The following NRG3 variants were observed in gnomAD, a reference collection of about 807,000 sequenced individuals.
NRG3 encodes neuregulin 3, also known as pro-neuregulin-3, membrane-bound isoform.
Under a neutral mutation model 66.9 loss-of-function variants are expected in NRG3, and 31 were observed. That is an observed-to-expected ratio of 0.46 (90% CI 0.35 to 0.63). NRG3 has a LOEUF of 0.63. Among genes scored for constraint, NRG3 ranks in the 20% least tolerant of loss-of-function variants. The pLI is 0.00. For missense variants in NRG3, 910 were observed against 878.9 expected, an observed-to-expected ratio of 1.04 and a Z score of -0.45; for synonymous variants, 393 against 359.4, an observed-to-expected ratio of 1.09 and a Z score of -1.06.
At chr10:81,902,682 A>C (rs1483910975) in intron 1 of NRG3, among the ~76,000 whole-genome samples, 1 of 152,192 alleles carries the variant, frequency 6.6e-6, no homozygotes, top group Admixed American at 6.5e-5. Context: ...AGCATCCTGC[A>C]CTAAGACACC....
At chr10:82,500,140 G>A (rs988101625) in intron 2 of NRG3, among the ~76,000 whole-genome samples, 21 of 152,134 alleles carry the variant, frequency 1.4e-4, no homozygotes, top group Non-Finnish European at 2.5e-4. Flanking sequence ...GAGGAGGATA[G>A]GGATGTAGTA....
At chr10:82,237,525 C>CTTCATTCATTCA (rs533891220) in intron 1 of NRG3, among the ~76,000 whole-genome samples, 2 of 151,696 alleles carry the variant, frequency 1.3e-5, no homozygotes, top group African/African-American at 4.8e-5. Context: ...ACTATGTCTA[C>CTTCATTCATTCA]TTCATTCATT....
intron 3 of NRG3, among the ~76,000 whole-genome samples, chr10:82,758,388 T>A (rs1020665932): frequency 1.3e-5 from 2 of 152,112 alleles, no homozygotes; most frequent in Non-Finnish European, 2.9e-5. Flanking sequence ...GATGTATTTT[T>A]ATGAGTAATA....
At chr10:82,806,725 C>T (rs918781914) in intron 3 of NRG3, among the ~76,000 whole-genome samples, 4 of 152,058 alleles carry the variant, frequency 2.6e-5, no homozygotes, top group African/African-American at 9.7e-5. Context: ...CAACCAGATA[C>T]GTAGAGAAGA....
At chr10:82,127,583 G>A (rs1415286541) in intron 1 of NRG3, among the ~76,000 whole-genome samples, 2 of 151,894 alleles carry the variant, frequency 1.3e-5, no homozygotes, top group Non-Finnish European at 2.9e-5. Context: ...TTAATACTTT[G>A]GGCACAGATA....
At chr10:82,189,859 A>G (rs2074031851) in intron 1 of NRG3, among the ~76,000 whole-genome samples, 1 of 152,082 alleles carries the variant, frequency 6.6e-6, no homozygotes, top group South Asian at 2.1e-4. Flanking sequence ...GCTTCTTGGG[A>G]GGCTGAGGTA....
At chr10:81,884,876 C>G (rs980631648) in intron 1 of NRG3, among the ~76,000 whole-genome samples, 1 of 152,144 alleles carries the variant, frequency 6.6e-6, no homozygotes, top group African/African-American at 2.4e-5. Context: ...GGGTACTAAA[C>G]ATATCCATCA....
chr10:81,969,726 G>A (rs1245395116), intron 1 of NRG3, among the ~76,000 whole-genome samples: 1 of 151,998 alleles, frequency 6.6e-6, no homozygotes, highest in Non-Finnish European at 1.5e-5. Flanking sequence ...CTAGGTTGAG[G>A]CAACTTAATA....
chr10:82,370,733 A>G (rs139897128), intron 2 of NRG3, among the ~76,000 whole-genome samples: 150 of 152,244 alleles, frequency 9.9e-4, no homozygotes, highest in Non-Finnish European at 1.8e-3. Flanking sequence ...TTCGTTACCT[A>G]TGTACCTACG....
intron 3 of NRG3, among the ~76,000 whole-genome samples, chr10:82,743,525 C>T (rs887362948): frequency 4.6e-5 from 7 of 152,060 alleles, no homozygotes; most frequent in African/African-American, 1.7e-4. Context: ...GTTCTAGCAC[C>T]AGAGAGGGCA....
chr10:82,450,760 C>T (rs748827000), intron 2 of NRG3, among the ~76,000 whole-genome samples: 15 of 152,166 alleles, frequency 9.9e-5, no homozygotes, highest in Non-Finnish European at 1.8e-4. Flanking sequence ...AAGTTCAACA[C>T]TGACATTTTT....
intron 1 of NRG3, among the ~76,000 whole-genome samples, chr10:82,036,873 A>C (rs1028534866): frequency 1.4e-4 from 21 of 152,132 alleles, no homozygotes; most frequent in African/African-American, 4.8e-4. Flanking sequence ...TGCCGAGTTC[A>C]AGGTCACTGT....
intron 1 of NRG3, among the ~76,000 whole-genome samples, chr10:81,904,510 A>G (rs1390596157): frequency 2.6e-5 from 4 of 152,012 alleles, no homozygotes; most frequent in African/African-American, 9.7e-5. Context: ...TTGATTCCAG[A>G]TGGCGCTAAT....
chr10:82,968,179 G>A (rs1446472921), intron 6 of NRG3, among the ~76,000 whole-genome samples: 1 of 152,162 alleles, frequency 6.6e-6, no homozygotes, highest in Non-Finnish European at 1.5e-5. Context: ...TGAAACCACA[G>A]AAGCTATCTG....
intron 4 of NRG3, among the ~76,000 whole-genome samples, chr10:82,943,552 G>T (rs1848749333): frequency 6.6e-6 from 1 of 152,226 alleles, no homozygotes; most frequent in South Asian, 2.1e-4. Context: ...CCAAGAACAG[G>T]AAAGGAGGAG....
chr10:82,443,347 G>A (rs988824970), intron 2 of NRG3, among the ~76,000 whole-genome samples: 1 of 147,222 alleles, frequency 6.8e-6, no homozygotes, highest in East Asian at 2.0e-4. Context: ...CACCTGTATT[G>A]TTCTAGATGG....
intron 4 of NRG3, among the ~76,000 whole-genome samples, chr10:82,905,669 T>C (rs1165965770): frequency 1.3e-5 from 2 of 152,180 alleles, no homozygotes; most frequent in Non-Finnish European, 2.9e-5. Flanking sequence ...TCTGAACCTT[T>C]ATTTTCCTTC....
chr10:82,980,053 A>C (rs1449621286), intron 8 of NRG3, among the ~76,000 whole-genome samples: 1 of 151,864 alleles, frequency 6.6e-6, no homozygotes, highest in African/African-American at 2.4e-5. Context: ...AAAATACAAA[A>C]AATTAGCTGG....
chr10:82,961,223 G>C (rs187269335), intron 6 of NRG3, among the ~76,000 whole-genome samples: 35 of 152,266 alleles, frequency 2.3e-4, no homozygotes, highest in African/African-American at 7.9e-4. Flanking sequence ...TTTGTACCTT[G>C]AAATCTACAA....
Sources: gnomAD v4.1 joint callset for allele counts (sites outside exome capture counted in the v4.1 genomes callset) on GRCh38, gnomAD v4.1.1 for gene constraint, MANE v1.5 for transcripts, NCBI Gene and HGNC (gene_info 2026-07-23, HGNC 2026-07-21) for gene names.